TEP1: variants seen among roughly 807,000 people sequenced by gnomAD.
TEP1 encodes the protein telomerase associated protein 1.
TEP1 carries 241 observed loss-of-function variants against 306.3 expected under a neutral mutation model. That is an observed-to-expected ratio of 0.79 (90% CI 0.71 to 0.88). The LOEUF (loss-of-function observed/expected upper bound fraction) is 0.88, where lower values mean the gene tolerates loss of function less well. Ranked by LOEUF, TEP1 falls within the 40% of genes least tolerant of loss-of-function variation. The probability of loss-of-function intolerance (pLI) is 0.00; values close to 1 mark genes in which losing one functional copy is unlikely to be tolerated. For synonymous variants in TEP1, 1,289 were observed against 1,305.5 expected (o/e 0.99, Z 0.27); for missense variants, 3,051 against 3,276.1 (o/e 0.93, Z 1.68).
At chr14:20,407,773 G>C in intron 2 of TEP1, 100 bp downstream of exon 2, 3 of 1,112,142 alleles carry the variant, frequency 2.7e-6, no homozygotes, top group Non-Finnish European at 3.9e-6. Flanking sequence ...AAGATAGCCA[G>C]ACACAGAGCA....
Position 20,378,380 on chromosome 14 carries a change from CT to C in TEP1, c.5507del (p.Lys1836ArgfsTer65). On this transcript the variant is annotated frameshift_variant and splice_region_variant, in exon 38 of 55. Transcript: ENST00000262715. LOFTEE classifies it high-confidence loss of function. ...CAAGAGCAACACTGGACCTTCTTAC[CT>C]TGGTGACTTTGAGCCCATCCACCTG... ...FFQVDGLKVT[K>X]DLGAPGASIR... is the part of the protein sequence containing the mutation. The C allele has an allele frequency of 6.2e-7, 1 of 1,614,236 alleles. No individual in the cohort carries two copies. Among genetic ancestry groups the C allele is most frequent in the South Asian group, 1.1e-5 (1 of 91,082 alleles).
Position 20,378,979 on chromosome 14 carries a change from A to C in TEP1, c.5252+2T>G, listed in dbSNP as rs924091302. The C allele has an allele frequency of 6.2e-7, 1 of 1,614,174 alleles. No individual in the cohort carries two copies. Among genetic ancestry groups the C allele is most frequent in the Non-Finnish European group, 8.5e-7 (1 of 1,180,030 alleles). On this transcript the variant is annotated splice_donor_variant, in intron 36 of 54. Transcript: ENST00000262715. LOFTEE classifies it high-confidence loss of function. ...CCAAGACAAATGGGGAGGACCCCTT[A>C]CCGACAACCATGCTGCAGGTCCCAG...
intron 10 of TEP1, 88 bp from the exon 11 acceptor site, chr14:20,396,037 G>A (rs2139141163): frequency 2.3e-6 from 2 of 856,208 alleles, no homozygotes; most frequent in Admixed American, 4.7e-5. Context: ...TTTGTGGGAA[G>A]GTACAGAAGG....
At chr14:20,401,995 G>T (rs1878799325) in intron 7 of TEP1, among the ~76,000 whole-genome samples, 1 of 152,192 alleles carries the variant, frequency 6.6e-6, no homozygotes, top group Admixed American at 6.5e-5. Flanking sequence ...CTAAAAGTAG[G>T]CAGGGCGTGG....
rs867525612 is a variant in TEP1, at chr14:20,371,702, C to G, written c.7077-70G>C. On this transcript the variant is annotated intron_variant, in intron 49 of 54. Transcript: ENST00000262715. The stretch of plus-strand genomic sequence containing the variant: ...TAACCTTTCTCAGGCTCCTCAATCC[C>G]ACATGAATTCCTCAGGAATGAAGTA... The G allele has an allele frequency of 1.8e-5, 26 of 1,478,432 alleles. No individual in the cohort carries two copies. The Admixed American group carries it at 6.7e-4, about 38-fold the overall frequency. 91.6% of individuals were successfully genotyped at this position (1,478,432 alleles called of 1,614,324 possible). A position where few individuals can be genotyped will look rare whatever the true frequency, so the allele number is the denominator to read the frequency against.
At chr14:20,401,326 G>T in intron 8 of TEP1, 131 bp downstream of exon 8, 1 of 1,411,422 alleles carries the variant, frequency 7.1e-7, no homozygotes, top group Non-Finnish European at 9.5e-7. Context: ...TGGAAAGGCA[G>T]TCATGTCTAC....
chr14:20,371,144 T>C (rs1884807029), intron 51 of TEP1, 74 bp downstream of exon 51: 14 of 1,296,400 alleles, frequency 1.1e-5, no homozygotes, highest in East Asian at 2.3e-5. Flanking sequence ...CTATCCTCCA[T>C]GACGGGCCCC....
rs188191764 is a variant in TEP1 at position 20,379,021 on chromosome 14, C to T, written c.5212G>A (p.Asp1738Asn). Residue 1738 changes from aspartate to asparagine, a missense_variant, in exon 36 of 55, where the codon GAC becomes AAC. This residue lies in a region of TEP1 where 1,540 missense variants were observed against 1,705.9 expected (regional missense o/e 0.90). Coordinates refer to ENST00000262715, the MANE Select transcript of TEP1 (RefSeq NM_007110.5). ...SDDTLFLTAFDGLLELWDLQH... is the reference protein window; with the variant it reads ...SDDTLFLTAFNGLLELWDLQH... ...AGGTCCCAGAGCTCCAGGAGCCCGT[C>T]GAAGGCAGTAAGAAAGAGTGTATCA... 5.6e-6 allele frequency: 9 copies of T among 1,614,168 alleles called. No homozygotes were observed. The highest frequency in any genetic ancestry group is 2.2e-5 in the East Asian group (1 of 44,878).
chr14:20,377,786 C>T, intron 39 of TEP1, 33 bp from the exon 40 acceptor site: 3 of 1,609,458 alleles, frequency 1.9e-6, no homozygotes, highest in African/African-American at 1.3e-5. Context: ...AAGGATACCA[C>T]CTCCACCACG....
At chr14:20,409,227 T>C (rs184075325) in intron 1 of TEP1, among the ~76,000 whole-genome samples, 2 of 152,326 alleles carry the variant, frequency 1.3e-5, no homozygotes. Flanking sequence ...TCATTAAAAC[T>C]CTCTCTTCCT....
intron 39 of TEP1, 30 bp from the exon 40 acceptor site, chr14:20,377,783 C>A: frequency 6.2e-7 from 1 of 1,609,296 alleles, no homozygotes; most frequent in Non-Finnish European, 8.5e-7. Flanking sequence ...CTTAAGGATA[C>A]CACCTCCACC....
chr14:20,385,194 A>G, intron 20 of TEP1, 85 bp from the exon 21 acceptor site: 2 of 1,542,880 alleles, frequency 1.3e-6, no homozygotes, highest in Non-Finnish European at 8.8e-7. Context: ...GGACTCCTGT[A>G]TCTCTGATGT....
chr14:20,389,129 CAG>C (rs1356628812), intron 17 of TEP1, 107 bp downstream of exon 17: 1 of 1,014,250 alleles, frequency 9.9e-7, no homozygotes, highest in Non-Finnish European at 1.5e-6. Context: ...GCCTGAGCGA[CAG>C]AGTGAGATTC....
intron 21 of TEP1, 30 bp from the exon 22 acceptor site, chr14:20,384,743 T>G: frequency 1.9e-6 from 3 of 1,598,904 alleles, no homozygotes; most frequent in Non-Finnish European, 2.6e-6. Context: ...AAAGTTGGAA[T>G]AGACTCAGAC....
chr14:20,410,802 G>GTT (rs61662364), intron 1 of TEP1, among the ~76,000 whole-genome samples: 296 of 24,912 alleles, frequency 0.012, 2 homozygotes, highest in Middle Eastern at 0.071. Flanking sequence ...CTCCTTTGTG[G>GTT]TTTTTTTTTT....
intron 33 of TEP1, 30 bp downstream of exon 33, chr14:20,380,901 G>T: frequency 6.3e-7 from 1 of 1,592,078 alleles, no homozygotes; most frequent in Non-Finnish European, 8.6e-7. Context: ...CCATATCTCA[G>T]AGAAGAACCC....
At chr14:20,380,697 T>C (rs775197226) in intron 33 of TEP1, among the ~76,000 whole-genome samples, 1 of 152,226 alleles carries the variant, frequency 6.6e-6, no homozygotes, top group Non-Finnish European at 1.5e-5. Context: ...ACAAGTTTCC[T>C]AGATAGTTTT....
intron 9 of TEP1, among the ~76,000 whole-genome samples, chr14:20,399,604 C>T (rs1162584503): frequency 7.3e-6 from 1 of 137,182 alleles, no homozygotes; most frequent in East Asian, 2.1e-4. Context: ...GGAGACCAGC[C>T]TTGGCAACAA....
chr14:20,375,877 G>A lies in TEP1; in HGVS notation c.6250-9C>T. ...TCCCAGCAGAGGAGACTCTGGATAG[G>A]CCCCAAGGAGAGGGAGCAATCAGGA... On this transcript the variant is annotated splice_polypyrimidine_tract_variant and intron_variant, in intron 42 of 54. Transcript: ENST00000262715. The A allele has an allele frequency of 6.3e-7, 1 of 1,598,802 alleles. No individual in the cohort carries two copies. Among genetic ancestry groups the A allele is most frequent in the Non-Finnish European group, 8.6e-7 (1 of 1,166,740 alleles).
Sources: gnomAD v4.1 joint callset for allele counts (sites outside exome capture counted in the v4.1 genomes callset) on GRCh38, gnomAD v4.1.1 for gene constraint, gnomAD v4.1.1 regional missense constraint, MANE v1.5 for transcripts, NCBI Gene and HGNC (gene_info 2026-07-23, HGNC 2026-07-21) for gene names.